Variants in CTNND2 observed in about 807,000 individuals in gnomAD.
The protein encoded by CTNND2 is catenin delta-2.
CTNND2 carries 22 observed loss-of-function variants against 144.4 expected under a neutral mutation model. The observed-to-expected ratio is 0.15, with a 90% CI of 0.11 to 0.22. CTNND2 has a LOEUF of 0.22. Among genes scored for constraint, CTNND2 ranks in the 10% least tolerant of loss-of-function variants. The pLI is 1.00. For missense variants in CTNND2, 1,353 were observed against 1,618.8 expected, an observed-to-expected ratio of 0.84 and a Z score of 2.82; for synonymous variants, 751 against 695.6, an observed-to-expected ratio of 1.08 and a Z score of -1.25.
At chr5:11,234,570 T>C (rs154718) in intron 10 of CTNND2, among the ~76,000 whole-genome samples, 18,935 of 152,188 alleles carry the variant, frequency 0.12, 1,279 homozygotes, top group South Asian at 0.19. Flanking sequence ...TTCACCACAG[T>C]GCACTGGGGG....
chr5:11,312,415 G>A (rs258625), intron 9 of CTNND2, among the ~76,000 whole-genome samples: 4,842 of 152,082 alleles, frequency 0.032, 288 homozygotes, highest in African/African-American at 0.11. Context: ...GGCGGGAGGC[G>A]AAAGGCAGTT....
chr5:11,661,714 A>G (rs1353941233), intron 2 of CTNND2, among the ~76,000 whole-genome samples: 2 of 152,098 alleles, frequency 1.3e-5, no homozygotes, highest in Non-Finnish European at 2.9e-5. Flanking sequence ...ATCATCATAC[A>G]TGTCTATTTC....
At chr5:11,571,521 G>A (rs931704838) in intron 2 of CTNND2, among the ~76,000 whole-genome samples, 11 of 152,178 alleles carry the variant, frequency 7.2e-5, no homozygotes, top group South Asian at 6.2e-4. Flanking sequence ...TGGTCCCTGC[G>A]TCAAGAGAAT....
chr5:11,026,693 T>A (rs889773317), intron 16 of CTNND2, among the ~76,000 whole-genome samples: 2 of 152,186 alleles, frequency 1.3e-5, no homozygotes, highest in Admixed American at 1.3e-4. Context: ...TTAAAAGATA[T>A]GACACAGACT....
intron 1 of CTNND2, among the ~76,000 whole-genome samples, chr5:11,863,881 T>C (rs1033708482): frequency 1.3e-5 from 2 of 152,190 alleles, no homozygotes; most frequent in African/African-American, 2.4e-5. Context: ...CTCTACAAAA[T>C]AGATATAATA....
chr5:11,631,594 T>C (rs1439768750), intron 2 of CTNND2, among the ~76,000 whole-genome samples: 1 of 152,172 alleles, frequency 6.6e-6, no homozygotes, highest in African/African-American at 2.4e-5. Flanking sequence ...AGTATAGAGC[T>C]ACGCAGTGTT....
At chr5:11,583,051 G>C (rs1311229393) in intron 2 of CTNND2, among the ~76,000 whole-genome samples, 1 of 152,126 alleles carries the variant, frequency 6.6e-6, no homozygotes, top group Non-Finnish European at 1.5e-5. Context: ...AAGTTTTTCT[G>C]GCTTCCTTCT....
intron 16 of CTNND2, among the ~76,000 whole-genome samples, chr5:11,063,303 G>C (rs140558001): frequency 1.1e-3 from 169 of 152,074 alleles, no homozygotes; most frequent in African/African-American, 2.9e-3. Context: ...GGGAAAAAAG[G>C]CTCATCCATC....
At chr5:11,818,188 T>C (rs1284217565) in intron 1 of CTNND2, among the ~76,000 whole-genome samples, 2 of 152,030 alleles carry the variant, frequency 1.3e-5, no homozygotes, top group Non-Finnish European at 2.9e-5. Flanking sequence ...AGGACATTTA[T>C]TGATTATGAC....
intron 17 of CTNND2, among the ~76,000 whole-genome samples, 171 bp from the exon 18 acceptor site, chr5:11,018,229 C>T (rs1441397852): frequency 6.6e-6 from 1 of 152,154 alleles, no homozygotes. Context: ...CCACGAACTG[C>T]ACCCACCTAA....
At chr5:11,291,982 C>T (rs1024499813) in intron 9 of CTNND2, among the ~76,000 whole-genome samples, 1 of 152,066 alleles carries the variant, frequency 6.6e-6, no homozygotes, top group Admixed American at 6.6e-5. Context: ...GACCTATCCA[C>T]CCCATAGACC....
intron 9 of CTNND2, among the ~76,000 whole-genome samples, chr5:11,306,294 T>G (rs144165915): frequency 5.3e-4 from 80 of 152,344 alleles, no homozygotes; most frequent in African/African-American, 1.8e-3. Flanking sequence ...GGGGGGATGT[T>G]TGAAAATACA....
intron 10 of CTNND2, among the ~76,000 whole-genome samples, chr5:11,216,406 C>A (rs1050906920): frequency 2.6e-5 from 4 of 152,200 alleles, no homozygotes; most frequent in African/African-American, 9.7e-5. Flanking sequence ...CCTTTCAAAG[C>A]CGAAGAGAGT....
At chr5:11,568,692 A>G (rs1363619586) in intron 2 of CTNND2, among the ~76,000 whole-genome samples, 1 of 152,190 alleles carries the variant, frequency 6.6e-6, no homozygotes, top group African/African-American at 2.4e-5. Context: ...TTTGCACTGG[A>G]GGATACTTAA....
At chr5:11,707,082 T>C (rs1359001448) in intron 2 of CTNND2, among the ~76,000 whole-genome samples, 2 of 140,834 alleles carry the variant, frequency 1.4e-5, no homozygotes, top group Non-Finnish European at 3.0e-5. Context: ...CAATACTCCA[T>C]CTCAAAAAAA....
At chr5:11,442,684 G>C (rs1397564029) in intron 3 of CTNND2, among the ~76,000 whole-genome samples, 1 of 151,440 alleles carries the variant, frequency 6.6e-6, no homozygotes. Context: ...CTACTGAAGT[G>C]TAAGGAAAGA....
At chr5:11,901,381 G>A (rs1737868507) in intron 1 of CTNND2, among the ~76,000 whole-genome samples, 1 of 152,152 alleles carries the variant, frequency 6.6e-6, no homozygotes, top group Admixed American at 6.5e-5. Context: ...TATTATGAAA[G>A]CAATATTATC....
intron 16 of CTNND2, 48 bp from the exon 17 acceptor site, chr5:11,023,027 G>C: frequency 6.4e-7 from 1 of 1,561,466 alleles, no homozygotes; most frequent in Non-Finnish European, 8.8e-7. Context: ...CAAGGTGAAG[G>C]CAGAGATAGT....
chr5:11,678,498 T>C (rs748343783), intron 2 of CTNND2, among the ~76,000 whole-genome samples: 5 of 152,116 alleles, frequency 3.3e-5, no homozygotes, highest in Middle Eastern at 3.2e-3. Flanking sequence ...TAGGTGTCCA[T>C]TGAAATAAGG....
Sources: allele counts gnomAD v4.1 joint callset (sites outside exome capture counted in the v4.1 genomes callset), GRCh38; gene constraint gnomAD v4.1.1; transcripts MANE v1.5; gene names NCBI Gene and HGNC (gene_info 2026-07-23, HGNC 2026-07-21).